Variants in CER1 observed in about 807,000 individuals in gnomAD.
CER1 encodes cerberus.
In CER1, 10 loss-of-function variants were observed where a neutral mutation model predicts 11.8. The ratio of observed to expected loss-of-function variants is 0.85; its 90% confidence interval spans 0.52 to 1.44. The LOEUF (loss-of-function observed/expected upper bound fraction) is 1.44, where lower values mean the gene tolerates loss of function less well. CER1 is among the 40% of genes most tolerant of loss of function. The probability of loss-of-function intolerance (pLI) is 0.00; values close to 1 mark genes in which losing one functional copy is unlikely to be tolerated. For missense variants in CER1, 431 were observed against 327.0 expected (o/e 1.32, Z -2.45); for synonymous variants, 141 against 122.3 (o/e 1.15, Z -1.01).
chr9:14,720,264 C>T lies in CER1; in HGVS notation c.630G>A (p.Leu210=). The T allele has an allele frequency of 1.2e-6, 2 of 1,614,106 alleles. No individual in the cohort carries two copies. The highest frequency in any genetic ancestry group is 1.7e-6 in the Non-Finnish European group (2 of 1,180,046). The part of the protein sequence containing the change: ...QHSHTSCSHC[L]PAKFTTMHLP... ...AGTGCATCGTGGTGAACTTGGCAGG[C>T]AAACAGTGAGAGCAGGAGGTATGGG... Residue 210 remains leucine (L), a synonymous_variant, in exon 2 of 2, where the codon TTG becomes TTA. Coordinates refer to ENST00000380911, the MANE Select transcript of CER1 (RefSeq NM_005454.3).
At chr9:14,719,561 GCCTTCCTTCCTT>G (rs1229695964), downstream of CER1, among the ~76,000 whole-genome samples, 553 of 62,482 alleles carry the variant, frequency 8.9e-3, 3 homozygotes, top group African/African-American at 0.029. Flanking sequence ...CTGCCTGCCT[GCCTTCCTTCCTT>G]CCTTCCTTCC....
rs1839982849 is a variant in CER1 at position 14,719,869 on chromosome 9, C to T, written c.*221G>A. 3.8e-6 allele frequency: 2 copies of T among 528,686 alleles called. No individual in the cohort carries two copies. Among genetic ancestry groups the T allele is most frequent in the African/African-American group, 3.8e-5 (2 of 53,002 alleles). The allele number at this position is 528,686 out of a possible 1,614,324, so 32.7% of individuals were successfully genotyped here. Reference sequence around the variant, plus strand: ...CTTTAGATGGAGAAAGGTTTTACAACTTAACATTCTACGGCTAGTTAGTGG... The same window carrying T: ...CTTTAGATGGAGAAAGGTTTTACAATTTAACATTCTACGGCTAGTTAGTGG... On this transcript the variant is annotated 3_prime_UTR_variant, in exon 2 of 2. Coordinates refer to ENST00000380911, the MANE Select transcript of CER1 (RefSeq NM_005454.3).
Position 14,722,552 on chromosome 9 carries a change from C to G in CER1, c.121G>C (p.Glu41Gln). 3 of 1,614,172 alleles carry G rather than the reference C, an allele frequency of 1.9e-6. No homozygotes were observed. Among genetic ancestry groups the G allele is most frequent in the Non-Finnish European group, 2.5e-6 (3 of 1,180,050 alleles). ...TCCTCATGGTTGCCTGTGGGAAGCTCTCTTTGATTCCTTGGCAGGAGTACG... is the reference window on the plus strand; with the variant it reads ...TCCTCATGGTTGCCTGTGGGAAGCTGTCTTTGATTCCTTGGCAGGAGTACG... ...SPVLLPRNQRELPTGNHEEAE... is the reference protein window; with the variant it reads ...SPVLLPRNQRQLPTGNHEEAE... Residue 41 changes from glutamate to glutamine, a missense_variant, in exon 1 of 2, where the codon GAG (glutamate) becomes CAG (glutamine). Coordinates refer to ENST00000380911, the MANE Select transcript of CER1 (RefSeq NM_005454.3).
Position 14,720,201 on chromosome 9 carries a change from C to G in CER1, c.693G>C (p.Lys231Asn). The stretch of plus-strand genomic sequence containing the variant: ...GGCACTCCTCCACCAGCATCACCAC[C>G]TTGATCACGGAGGAAAGTTCAGTGC... The part of the protein sequence containing the change: ...LNCTELSSVI[K>N]VVMLVEECQC... The change falls in exon 2 of 2, where the codon AAG becomes AAC. Residue 231 changes from lysine to asparagine, a missense_variant. Coordinates refer to ENST00000380911, the MANE Select transcript of CER1 (RefSeq NM_005454.3). The G allele has an allele frequency of 6.2e-7, 1 of 1,614,204 alleles. No homozygotes were observed. The highest frequency in any genetic ancestry group is 1.3e-5 in the African/African-American group (1 of 75,054).
chr9:14,720,843 C>T (rs1839999226), intron 1 of CER1, among the ~76,000 whole-genome samples: 1 of 152,146 alleles, frequency 6.6e-6, no homozygotes, highest in African/African-American at 2.4e-5. Flanking sequence ...CTATCCTATT[C>T]TGCAAGACCT....
At chr9:14,721,171 T>C (rs1653771763) in intron 1 of CER1, among the ~76,000 whole-genome samples, 1 of 152,246 alleles carries the variant, frequency 6.6e-6, no homozygotes, top group Non-Finnish European at 1.5e-5. Flanking sequence ...GGCAGAATAC[T>C]TAACTGCCTT....
intron 1 of CER1, among the ~76,000 whole-genome samples, chr9:14,721,768 A>G (rs1494359): frequency 0.1 from 15,803 of 152,188 alleles, 1,856 homozygotes; most frequent in African/African-American, 0.29. Context: ...ACATATTAAT[A>G]GAGTGCAGAA....
chr9:14,722,133 A>C (rs376147179), intron 1 of CER1, 33 bp downstream of exon 1: 385 of 1,586,572 alleles, frequency 2.4e-4, no homozygotes, highest in Non-Finnish European at 3.1e-4. Flanking sequence ...ACCACCTGCA[A>C]ACTCTTACCT....
chr9:14,720,441 A>G, intron 1 of CER1, 55 bp from the exon 2 acceptor site: 1 of 1,490,102 alleles, frequency 6.7e-7, no homozygotes, highest in Middle Eastern at 2.5e-4. Context: ...TTTAACACAC[A>G]TAATGCAGAA....
chr9:14,720,467 T>C, intron 1 of CER1, 81 bp from the exon 2 acceptor site: 1 of 1,342,446 alleles, frequency 7.4e-7, no homozygotes. Flanking sequence ...GGACTGTAAA[T>C]CTGAGGATAA....
chr9:14,717,823 A>G (rs756002436), downstream of CER1, among the ~76,000 whole-genome samples: 1 of 152,238 alleles, frequency 6.6e-6, no homozygotes, highest in Non-Finnish European at 1.5e-5. Context: ...AATATTCTCC[A>G]AATGCTCTTA....
In CER1 at chr9:14,722,458, C is replaced by T. The variant is rs146714087; in HGVS notation, c.215G>A (p.Gly72Asp). Residue 72 changes from glycine to aspartate, a missense_variant, in exon 1 of 2, where the codon GGC (glycine) becomes GAC (aspartate). By Grantham distance (94) the Gly-to-Asp change is moderately conservative (BLOSUM62 -1). Coordinates refer to ENST00000380911, the MANE Select transcript of CER1 (RefSeq NM_005454.3). Reference sequence around the variant, plus strand: ...CAGCATCTTCTCTCTCTGCCTCTGGCCTTCCCCTGCAGGGCTGGTGGCTAC... The same window carrying T: ...CAGCATCTTCTCTCTCTGCCTCTGGTCTTCCCCTGCAGGGCTGGTGGCTAC... ...HLVATSPAGEGQRQREKMLSR... is the reference protein window; with the variant it reads ...HLVATSPAGEDQRQREKMLSR... 6.2e-7 allele frequency: 1 copy of T among 1,614,214 alleles called. No individual in the cohort carries two copies. The highest frequency in any genetic ancestry group is 1.1e-5 in the South Asian group (1 of 91,078).
rs1839985452 is a variant in CER1 at position 14,720,033 on chromosome 9, A to G, written c.*57T>C. 1.3e-6 allele frequency: 2 copies of G among 1,529,786 alleles called. No individual in the cohort carries two copies. The highest frequency in any genetic ancestry group is 1.8e-6 in the Non-Finnish European group (2 of 1,108,930). 94.8% of individuals were successfully genotyped at this position (1,529,786 alleles called of 1,614,324 possible). A position where few individuals can be genotyped will look rare whatever the true frequency, so the allele number is the denominator to read the frequency against. On this transcript the variant is annotated 3_prime_UTR_variant, in exon 2 of 2. Transcript: ENST00000380911. ...CCCACTTAACATTTTCAGACTGAAT[A>G]ATCAGCATCTTTGCTGTTGTGGTTT...
downstream of CER1, among the ~76,000 whole-genome samples, chr9:14,719,239 T>C (rs1839970795): frequency 6.6e-6 from 1 of 152,158 alleles, no homozygotes; most frequent in Non-Finnish European, 1.5e-5. Flanking sequence ...TCCTTCCTCA[T>C]AATATAGGTA....
At chr9:14,718,771 GT>G (rs1480448361), downstream of CER1, among the ~76,000 whole-genome samples, 1 of 152,120 alleles carries the variant, frequency 6.6e-6, no homozygotes, top group African/African-American at 2.4e-5. Flanking sequence ...CCATATATGT[GT>G]AAAAATTAAC....
At chr9:14,720,835 A>G (rs1181357153) in intron 1 of CER1, among the ~76,000 whole-genome samples, 1 of 152,182 alleles carries the variant, frequency 6.6e-6, no homozygotes, top group Admixed American at 6.5e-5. Context: ...GTTTAATTCT[A>G]TCCTATTCTG....
chr9:14,718,765 A>G (rs1245410343), downstream of CER1, among the ~76,000 whole-genome samples: 3 of 152,190 alleles, frequency 2.0e-5, no homozygotes, highest in Admixed American at 6.5e-5. Flanking sequence ...TCTGTACCAT[A>G]TATGTGTAAA....
chr9:14,722,729 T>C lies in CER1; in HGVS notation c.-57A>G. 4 of 1,524,382 alleles carry C rather than the reference T, an allele frequency of 2.6e-6. No individual in the cohort carries two copies. The highest frequency in any genetic ancestry group is 2.6e-6 in the Non-Finnish European group (3 of 1,145,202). The allele number at this position is 1,524,382 out of a possible 1,614,324, so 94.4% of individuals were successfully genotyped here. On this transcript the variant is annotated 5_prime_UTR_variant, in exon 1 of 2. Coordinates refer to ENST00000380911, the MANE Select transcript of CER1 (RefSeq NM_005454.3). ...GATGAGGCCCAAAGGAGAGGCTCAT[T>C]CTCTGCAGGACTGGGAAAAAGGAAA...
downstream of CER1, among the ~76,000 whole-genome samples, chr9:14,717,557 T>C (rs1839954464): frequency 6.6e-6 from 1 of 152,138 alleles, no homozygotes; most frequent in Admixed American, 6.5e-5. Context: ...AGCCTTATTT[T>C]ATATGAGAGG....
Sources: allele counts gnomAD v4.1 joint callset (sites outside exome capture counted in the v4.1 genomes callset), GRCh38; gene constraint gnomAD v4.1.1; transcripts MANE v1.5; gene names NCBI Gene and HGNC (gene_info 2026-07-23, HGNC 2026-07-21).